Variants in GOLGB1 observed in about 807,000 individuals in gnomAD.
The protein encoded by GOLGB1 is golgin B1.
In GOLGB1, 174 loss-of-function variants were observed where a neutral mutation model predicts 336.9. That is an observed-to-expected ratio of 0.52 (90% CI 0.46 to 0.59). The LOEUF (loss-of-function observed/expected upper bound fraction) is 0.59. Ranked by LOEUF, GOLGB1 falls within the 20% of genes least tolerant of loss-of-function variation. The pLI is 0.00. For missense variants in GOLGB1, 3,331 were observed against 3,645.3 expected (o/e 0.91, Z 2.22); for synonymous variants, 1,208 against 1,289.2 (o/e 0.94, Z 1.35).
intron 11 of GOLGB1, among the ~76,000 whole-genome samples, 180 bp from the exon 12 acceptor site, chr3:121,700,065 A>G (rs897566607): frequency 3.9e-5 from 6 of 152,138 alleles, no homozygotes; most frequent in Non-Finnish European, 5.9e-5. Context: ...ATGAGATATA[A>G]GATAGAACAG....
At chr3:121,731,062 GA>G in intron 1 of GOLGB1, 89 bp from the exon 2 acceptor site, 2 of 1,294,792 alleles carry the variant, frequency 1.5e-6, no homozygotes, top group Admixed American at 2.3e-5. Flanking sequence ...ATCCGTGAAT[GA>G]AAAAAGAATA....
chr3:121,721,360 A>T (rs999674305), intron 6 of GOLGB1, among the ~76,000 whole-genome samples: 2 of 152,112 alleles, frequency 1.3e-5, no homozygotes, highest in African/African-American at 4.8e-5. Flanking sequence ...AAAAAAAATT[A>T]CAGTGCCTGT....
At chr3:121,744,915 C>A (rs757878286) in intron 1 of GOLGB1, among the ~76,000 whole-genome samples, 34 of 152,124 alleles carry the variant, frequency 2.2e-4, no homozygotes, top group Non-Finnish European at 7.4e-5. Context: ...TCCGTCCTGG[C>A]TCAATAAGAA....
At chr3:121,689,611 A>G (rs1474326197) in intron 14 of GOLGB1, among the ~76,000 whole-genome samples, 1 of 151,146 alleles carries the variant, frequency 6.6e-6, no homozygotes, top group African/African-American at 2.4e-5. Flanking sequence ...GACCCTGCCA[A>G]ATCCCCCTCT....
At chr3:121,736,228 C>G (rs2108346872) in intron 1 of GOLGB1, among the ~76,000 whole-genome samples, 1 of 152,202 alleles carries the variant, frequency 6.6e-6, no homozygotes, top group South Asian at 2.1e-4. Context: ...GCTTAATTCC[C>G]TCTCCTTCAG....
At chr3:121,672,856 T>C (rs1939736354) in intron 17 of GOLGB1, among the ~76,000 whole-genome samples, 1 of 152,204 alleles carries the variant, frequency 6.6e-6, no homozygotes, top group Non-Finnish European at 1.5e-5. Context: ...AGATATCCAG[T>C]TTTCCCAGCA....
intron 10 of GOLGB1, among the ~76,000 whole-genome samples, chr3:121,705,056 A>G (rs1428026412): frequency 6.6e-6 from 1 of 152,164 alleles, no homozygotes; most frequent in African/African-American, 2.4e-5. Context: ...TTTCCTCTTA[A>G]TGTCTTTCAA....
rs749034130 is a variant in GOLGB1 at position 121,692,454 on chromosome 3, G to C, written c.6910C>G (p.Leu2304Val). Residue 2304 changes from leucine to valine, a missense_variant, in exon 14 of 22, where the codon CTA becomes GTA. Coordinates refer to ENST00000614479, the MANE Select transcript of GOLGB1 (RefSeq NM_001366282.2). Reference protein sequence around the residue: ...LLSQLEETRHLYHSSQNELAK... With the variant: ...LLSQLEETRHVYHSSQNELAK... Reference sequence around the variant, plus strand: ...AATTCATTCTGAGAACTGTGGTATAGGTGGCGTGTCTCTTCTAGCTGGGAC... The same window carrying C: ...AATTCATTCTGAGAACTGTGGTATACGTGGCGTGTCTCTTCTAGCTGGGAC... 1.2e-6 allele frequency: 2 copies of C among 1,613,980 alleles called. No homozygotes were observed. The highest frequency in any genetic ancestry group is 4.5e-5 in the East Asian group (2 of 44,876).
chr3:121,673,845 C>T (rs1939932083), intron 17 of GOLGB1, among the ~76,000 whole-genome samples: 1 of 152,114 alleles, frequency 6.6e-6, no homozygotes, highest in Admixed American at 6.6e-5. Flanking sequence ...CTCAGCCACC[C>T]GAGTAGCTGG....
At position 121,694,161 on chromosome 3, in the gene GOLGB1, AT is replaced by A; in HGVS notation, c.6361del (p.Met2121Ter). On this transcript the variant is annotated frameshift_variant, in exon 13 of 22. Coordinates refer to ENST00000614479, the MANE Select transcript of GOLGB1 (RefSeq NM_001366282.2). LOFTEE classifies it high-confidence loss of function. Reference protein sequence around the residue: ...QSNKESVKSQMKQKDEDLERR... With the variant: ...QSNKESVKSQXKQKDEDLERR... The stretch of plus-strand genomic sequence containing the variant: ...CTCAAGATCTTCATCCTTTTGTTTC[AT>A]CTGGCTTTTAACTGATTCTTTATTT... 6.2e-7 allele frequency: 1 copy of A among 1,613,534 alleles called. No homozygotes were observed. The highest frequency in any genetic ancestry group is 8.5e-7 in the Non-Finnish European group (1 of 1,179,958).
chr3:121,733,662 T>C (rs1946279803), intron 1 of GOLGB1, among the ~76,000 whole-genome samples: 1 of 152,132 alleles, frequency 6.6e-6, no homozygotes, highest in Non-Finnish European at 1.5e-5. Flanking sequence ...TGGAAATTAC[T>C]CACTACAATT....
At chr3:121,671,038 G>A (rs1939462282) in intron 17 of GOLGB1, among the ~76,000 whole-genome samples, 1 of 152,272 alleles carries the variant, frequency 6.6e-6, no homozygotes, top group African/African-American at 2.4e-5. Context: ...AGGTTTTACT[G>A]GAACACAACC....
intron 15 of GOLGB1, among the ~76,000 whole-genome samples, chr3:121,677,662 G>C (rs1229371752): frequency 6.6e-6 from 1 of 152,146 alleles, no homozygotes; most frequent in Non-Finnish European, 1.5e-5. Context: ...TTCCCTAAGG[G>C]TCAATTATAT....
intron 16 of GOLGB1, 87 bp from the exon 17 acceptor site, chr3:121,677,117 G>T: frequency 2.0e-6 from 3 of 1,523,512 alleles, no homozygotes; most frequent in Non-Finnish European, 1.8e-6. Context: ...CCGCCCCATA[G>T]AAGTCATAAG....
chr3:121,682,833 A>C (rs889955458), intron 14 of GOLGB1, among the ~76,000 whole-genome samples: 3 of 152,210 alleles, frequency 2.0e-5, no homozygotes, highest in Non-Finnish European at 4.4e-5. Context: ...AAAGCAGATG[A>C]GTAAGTGGTA....
rs1481767178 is a variant in GOLGB1, at chr3:121,663,388, G to A, written c.*1092C>T. ...CAATGAGAAAATAACCAACTGGTAG[G>A]ATGGGGGAGGGGAGGGGAGGCAGGG... On this transcript the variant is annotated 3_prime_UTR_variant, in exon 22 of 22. Coordinates refer to ENST00000614479, the MANE Select transcript of GOLGB1 (RefSeq NM_001366282.2). The A allele has an allele frequency of 6.6e-6, 1 of 152,288 alleles. No individual in the cohort carries two copies. Among genetic ancestry groups the A allele is most frequent in the Non-Finnish European group, 1.5e-5 (1 of 68,076 alleles). The allele number at this position is 152,288 out of a possible 1,614,324, so 9.4% of individuals were successfully genotyped here. A position where few individuals can be genotyped will look rare whatever the true frequency, so the allele number is the denominator to read the frequency against.
chr3:121,731,943 A>G (rs978890224), intron 1 of GOLGB1, among the ~76,000 whole-genome samples: 1 of 152,182 alleles, frequency 6.6e-6, no homozygotes, highest in African/African-American at 2.4e-5. Context: ...GACCAAGAAA[A>G]AAACAGAGAA....
intron 10 of GOLGB1, among the ~76,000 whole-genome samples, chr3:121,707,234 A>C (rs1295105126): frequency 2.0e-5 from 3 of 150,976 alleles, no homozygotes; most frequent in African/African-American, 7.3e-5. Flanking sequence ...TCAAAAAAAA[A>C]AAAAAAAACA....
intron 14 of GOLGB1, among the ~76,000 whole-genome samples, chr3:121,684,337 A>C (rs1422942387): frequency 1.3e-5 from 2 of 151,568 alleles, no homozygotes; most frequent in East Asian, 3.8e-4. Context: ...TCCTACATCT[A>C]AATAACAAAC....
Sources: allele counts gnomAD v4.1 joint callset (sites outside exome capture counted in the v4.1 genomes callset), GRCh38; gene constraint gnomAD v4.1.1; transcripts MANE v1.5; gene names NCBI Gene and HGNC (gene_info 2026-07-23, HGNC 2026-07-21).